Variants in INPP4B observed in about 807,000 individuals in gnomAD.
INPP4B encodes inositol polyphosphate-4-phosphatase type II B.
Under a neutral mutation model 122.5 loss-of-function variants are expected in INPP4B, and 55 were observed. That is an observed-to-expected ratio of 0.45 (90% CI 0.36 to 0.56). The LOEUF is 0.56. Ranked by LOEUF, INPP4B falls within the 20% of genes least tolerant of loss-of-function variation. The probability of loss-of-function intolerance (pLI) is 0.00; values close to 1 mark genes in which losing one functional copy is unlikely to be tolerated. For missense variants in INPP4B, 1,000 were observed against 1,097.7 expected (o/e 0.91, Z 1.26); for synonymous variants, 403 against 388.7 (o/e 1.04, Z -0.43).
chr4:142,810,591 A>G (rs1405918349), intron 1 of INPP4B, among the ~76,000 whole-genome samples: 2 of 151,876 alleles, frequency 1.3e-5, no homozygotes, highest in Non-Finnish European at 3.0e-5. Context: ...TTTAGTACCT[A>G]ACGAGTGATT....
At position 142,224,319 on chromosome 4, in the gene INPP4B, A is replaced by G. The variant is rs540467543; in HGVS notation, c.836+13545T>C. Among the ~76,000 whole-genome samples, 13 of 152,324 alleles carry G rather than the reference A, an allele frequency of 8.5e-5. No homozygotes were observed. The South Asian group carries it at 2.7e-3, about 32-fold the overall frequency. On this transcript the variant is annotated intron_variant, in intron 12 of 25. Coordinates refer to ENST00000262992, the MANE Select transcript of INPP4B (RefSeq NM_001101669.3). ...CATAATGTAGATGTTTTTGATAAAGAATTCACCTAAATAAATCTGAATTTA... is the reference window on the plus strand; with the variant it reads ...CATAATGTAGATGTTTTTGATAAAGGATTCACCTAAATAAATCTGAATTTA...
chr4:142,261,351 A>C (rs995807467), intron 10 of INPP4B, among the ~76,000 whole-genome samples: 1 of 152,194 alleles, frequency 6.6e-6, no homozygotes, highest in African/African-American at 2.4e-5. Context: ...AGACTCTAGC[A>C]TTTGTGTCTT....
intron 10 of INPP4B, among the ~76,000 whole-genome samples, chr4:142,263,257 G>A (rs978572849): frequency 6.6e-6 from 1 of 152,000 alleles, no homozygotes; most frequent in African/African-American, 2.4e-5. Context: ...TACTTATTGG[G>A]TTTTCTCATT....
chr4:142,258,689 A>G (rs921829643), intron 11 of INPP4B, among the ~76,000 whole-genome samples: 1 of 152,232 alleles, frequency 6.6e-6, no homozygotes, highest in African/African-American at 2.4e-5. Context: ...GCGATCATTA[A>G]AAAGTCAGGA....
chr4:142,622,464 G>A (rs1745166189), intron 2 of INPP4B, among the ~76,000 whole-genome samples: 2 of 151,918 alleles, frequency 1.3e-5, no homozygotes, highest in Non-Finnish European at 2.9e-5. Flanking sequence ...AGATAAAAGA[G>A]TTGGGGTATA....
At chr4:142,155,642 C>A (rs76874589) in intron 17 of INPP4B, among the ~76,000 whole-genome samples, 4,342 of 152,098 alleles carry the variant, frequency 0.029, 194 homozygotes, top group African/African-American at 0.099. Flanking sequence ...ATTTTTCACT[C>A]ATGCAGAAAT....
intron 1 of INPP4B, among the ~76,000 whole-genome samples, chr4:142,729,063 T>A (rs1765714085): frequency 6.6e-6 from 1 of 152,180 alleles, no homozygotes; most frequent in Admixed American, 6.5e-5. Context: ...CCATTCTACC[T>A]CAGATCATCA....
chr4:142,817,119 A>C lies in INPP4B; in HGVS notation c.-254+29090T>G, dbSNP rs540739546. 4.6e-5 allele frequency among the ~76,000 whole-genome samples: 7 copies of C among 152,316 alleles called. No homozygotes were observed. In the East Asian group the frequency reaches 1.3e-3, roughly 29 times the overall value. On this transcript the variant is annotated intron_variant, in intron 1 of 25. Coordinates refer to ENST00000262992, the MANE Select transcript of INPP4B (RefSeq NM_001101669.3). ...GTCAACATGGTTGTCCTAGATAAAAAATTATAAAGGACATAACAATGAAGA... is the reference window on the plus strand; with the variant it reads ...GTCAACATGGTTGTCCTAGATAAAACATTATAAAGGACATAACAATGAAGA...
intron 2 of INPP4B, among the ~76,000 whole-genome samples, chr4:142,587,157 C>T (rs1283750011): frequency 6.6e-6 from 1 of 152,032 alleles, no homozygotes; most frequent in Non-Finnish European, 1.5e-5. Context: ...GTAAACTAAC[C>T]ACAGGGAACA....
chr4:142,220,415 G>A (rs1848908098), intron 12 of INPP4B, among the ~76,000 whole-genome samples: 1 of 152,092 alleles, frequency 6.6e-6, no homozygotes, highest in Non-Finnish European at 1.5e-5. Context: ...TTACTTTCTA[G>A]TTATTTAACA....
chr4:142,097,225 TTTTTATTTTA>T lies in INPP4B; in HGVS notation c.2374+10858_2374+10867del, dbSNP rs376210499. Among the ~76,000 whole-genome samples the T allele has an allele frequency of 9.1e-4, 124 of 135,552 alleles. 2 individuals are homozygous for T. The highest frequency in any genetic ancestry group is 3.4e-3 in the African/African-American group (120 of 35,286). The allele number at this position is 135,552 out of a possible 152,430, so 88.9% of individuals were successfully genotyped here. ...TCCATTTTTTGTTTATTTTATGTTA[TTTTTATTTTA>T]TTTTATTTTATTTTATTTTATTTTA... On this transcript the variant is annotated intron_variant, in intron 23 of 25. Transcript: ENST00000262992.
chr4:142,393,845 C>T (rs1798489898), intron 7 of INPP4B, among the ~76,000 whole-genome samples: 1 of 152,230 alleles, frequency 6.6e-6, no homozygotes, highest in African/African-American at 2.4e-5. Flanking sequence ...ATGCCACCTC[C>T]GTTTTCTTGT....
chr4:142,169,247 A>G (rs935528961), intron 16 of INPP4B, among the ~76,000 whole-genome samples: 10 of 151,698 alleles, frequency 6.6e-5, no homozygotes, highest in Admixed American at 6.6e-4. Flanking sequence ...AAACAGCAAC[A>G]TAATTTCTGT....
intron 2 of INPP4B, among the ~76,000 whole-genome samples, chr4:142,659,171 G>A (rs892322648): frequency 2.8e-4 from 42 of 151,668 alleles, no homozygotes; most frequent in African/African-American, 8.5e-4. Context: ...AGGCCGAGGC[G>A]GGCAGATCAC....
At chr4:142,511,688 C>T (rs988691965) in intron 2 of INPP4B, among the ~76,000 whole-genome samples, 28 of 152,042 alleles carry the variant, frequency 1.8e-4, no homozygotes, top group African/African-American at 6.5e-4. Flanking sequence ...GGGACTCAGG[C>T]GTTAGTATTG....
intron 25 of INPP4B, among the ~76,000 whole-genome samples, chr4:142,043,497 G>A (rs535566785): frequency 9.9e-5 from 15 of 152,168 alleles, no homozygotes; most frequent in South Asian, 8.3e-4. Context: ...AGTGAAGGCC[G>A]GATAGGGTTT....
chr4:142,223,106 G>A (rs1579340612), intron 12 of INPP4B, among the ~76,000 whole-genome samples: 1 of 152,018 alleles, frequency 6.6e-6, no homozygotes, highest in South Asian at 2.1e-4. Flanking sequence ...AGAGCGGCTA[G>A]GTAAATTGGG....
At chr4:142,555,446 A>G (rs1383265565) in intron 2 of INPP4B, among the ~76,000 whole-genome samples, 4 of 152,222 alleles carry the variant, frequency 2.6e-5, no homozygotes, top group African/African-American at 9.6e-5. Flanking sequence ...AGATTTGGCT[A>G]CAATGCAGTC....
chr4:142,702,721 A>G (rs1010262797), intron 2 of INPP4B, among the ~76,000 whole-genome samples: 1 of 124,686 alleles, frequency 8.0e-6, no homozygotes, highest in African/African-American at 3.4e-5. Context: ...CAAAATTAAA[A>G]CTCCGTCTCA....
Sources: gnomAD v4.1 joint callset for allele counts (sites outside exome capture counted in the v4.1 genomes callset) on GRCh38, gnomAD v4.1.1 for gene constraint, MANE v1.5 for transcripts, NCBI Gene and HGNC (gene_info 2026-07-23, HGNC 2026-07-21) for gene names.